FRYL: variants seen among roughly 807,000 people sequenced by gnomAD.
FRYL encodes FRY like transcription coactivator.
A neutral mutation model predicts 351.2 loss-of-function variants in FRYL; 150 were observed. That is an observed-to-expected ratio of 0.43 (90% CI 0.37 to 0.49). The LOEUF (loss-of-function observed/expected upper bound fraction) is 0.49. FRYL is among the 20% of genes least tolerant of loss of function. The probability of loss-of-function intolerance (pLI) is 0.00; values close to 1 mark genes in which losing one functional copy is unlikely to be tolerated. For missense variants in FRYL, 3,036 were observed against 3,619.3 expected (o/e 0.84, Z 4.13); for synonymous variants, 1,153 against 1,257.1 (o/e 0.92, Z 1.75).
chr4:48,617,389 C>T (rs1749721030), intron 7 of FRYL, among the ~76,000 whole-genome samples: 1 of 150,226 alleles, frequency 6.7e-6, no homozygotes. Context: ...TGCACTGTCA[C>T]CCAGGCTGGA....
chr4:48,514,949 G>C, intron 56 of FRYL, 79 bp downstream of exon 56: 1 of 1,251,432 alleles, frequency 8.0e-7, no homozygotes, highest in Non-Finnish European at 1.1e-6. Flanking sequence ...TAAGTAAACT[G>C]AAACAGAGGG....
At chr4:48,509,400 C>A (rs1722008482) in intron 59 of FRYL, among the ~76,000 whole-genome samples, 2 of 152,180 alleles carry the variant, frequency 1.3e-5, no homozygotes. Context: ...CCATGAGATA[C>A]CACCACACAC....
At chr4:48,625,429 G>C (rs1055015042) in intron 4 of FRYL, among the ~76,000 whole-genome samples, 3 of 152,110 alleles carry the variant, frequency 2.0e-5, no homozygotes, top group African/African-American at 7.2e-5. Flanking sequence ...CCATATCCTT[G>C]AGTTATGCAT....
chr4:48,668,003 T>TA (rs57151193), intron 3 of FRYL, among the ~76,000 whole-genome samples: 155 of 152,314 alleles, frequency 1.0e-3, no homozygotes, highest in African/African-American at 3.7e-3. Flanking sequence ...TCTCTGATGT[T>TA]ACCAATATTC....
At chr4:48,716,276 G>T (rs1269724608) in intron 1 of FRYL, among the ~76,000 whole-genome samples, 4 of 151,206 alleles carry the variant, frequency 2.6e-5, no homozygotes, top group East Asian at 3.9e-4. Context: ...TTGACAAATG[G>T]GATCTAATTA....
chr4:48,576,335 T>C, intron 23 of FRYL, 113 bp from the exon 24 acceptor site: 1 of 803,496 alleles, frequency 1.2e-6, no homozygotes, highest in Non-Finnish European at 1.8e-6. Context: ...AGAGTGTCAC[T>C]CTGTCACCCA....
At chr4:48,508,889 C>T (rs1454811343) in intron 59 of FRYL, among the ~76,000 whole-genome samples, 2 of 152,178 alleles carry the variant, frequency 1.3e-5, no homozygotes, top group Non-Finnish European at 2.9e-5. Flanking sequence ...TGCTTCTGAA[C>T]TTGATTGGTT....
In FRYL at chr4:48,534,652, A is replaced by G; in HGVS notation, c.6598T>C (p.Ser2200Pro). The G allele has an allele frequency of 6.3e-7, 1 of 1,582,920 alleles. No individual in the cohort carries two copies. Among genetic ancestry groups the G allele is most frequent in the Non-Finnish European group, 8.7e-7 (1 of 1,152,328 alleles). ...LEKGLSSMQQ[S>P]LLQIIYSLLS... ...AGACTATAAATAATCTGTAGTAATG[A>G]TTGCTGCATACTGGACAATCCTTTC... is the stretch of plus-strand genomic sequence containing the variant. Residue 2200 changes from serine (S) to proline (P), a missense_variant, in exon 49 of 64, where the codon TCA becomes CCA. Coordinates refer to ENST00000358350, the MANE Select transcript of FRYL (RefSeq NM_015030.2).
chr4:48,630,159 G>A (rs1752672593), intron 4 of FRYL, among the ~76,000 whole-genome samples: 1 of 152,130 alleles, frequency 6.6e-6, no homozygotes. Flanking sequence ...CCCCAAAAAA[G>A]ATCTGACACT....
Position 48,594,010 on chromosome 4 carries a change from A to T in FRYL, c.1255T>A (p.Leu419Met). 1.4e-6 allele frequency: 2 copies of T among 1,469,606 alleles called. No individual in the cohort carries two copies. Among genetic ancestry groups the T allele is most frequent in the Non-Finnish European group, 1.8e-6 (2 of 1,107,466 alleles). The allele number at this position is 1,469,606 out of a possible 1,614,324, so 91.0% of individuals were successfully genotyped here. A position where few individuals can be genotyped will look rare whatever the true frequency, so the allele number is the denominator to read the frequency against. The change falls in exon 16 of 64, where the codon TTG (leucine) becomes ATG (methionine). Residue 419 changes from leucine (L) to methionine (M), a missense_variant. Leu to Met is a conservative substitution (Grantham distance 15). Coordinates refer to ENST00000358350, the MANE Select transcript of FRYL (RefSeq NM_015030.2). Reference sequence around the variant, plus strand: ...ATTATTTCTTTCATTGCAAAATCCAAGCGTTCCTTAAAAAAAAAAAAATCC... The same window carrying T: ...ATTATTTCTTTCATTGCAAAATCCATGCGTTCCTTAAAAAAAAAAAAATCC... Reference protein sequence around the residue: ...KIIQFIAQERLDFAMKEIIFD... With the variant: ...KIIQFIAQERMDFAMKEIIFD...
Position 48,582,742 on chromosome 4 carries a change from G to T in FRYL, c.1749-8C>A. 11 of 1,598,172 alleles carry T rather than the reference G, an allele frequency of 6.9e-6. No individual in the cohort carries two copies. Among genetic ancestry groups the T allele is most frequent in the Non-Finnish European group, 9.4e-6 (11 of 1,166,418 alleles). ...TCCATATGAATTGTGAGCCTACCAA[G>T]AACAAAATTCCATTAGCAAACTTCA... On this transcript the variant is annotated splice_region_variant and splice_polypyrimidine_tract_variant and intron_variant, in intron 19 of 63. Coordinates refer to ENST00000358350, the MANE Select transcript of FRYL (RefSeq NM_015030.2).
At chr4:48,725,873 T>A (rs1770022781) in intron 1 of FRYL, among the ~76,000 whole-genome samples, 1 of 152,176 alleles carries the variant, frequency 6.6e-6, no homozygotes, top group African/African-American at 2.4e-5. Context: ...GGTATGTATG[T>A]ATGGGAAAAA....
At chr4:48,694,294 A>T (rs1180326042) in intron 2 of FRYL, among the ~76,000 whole-genome samples, 5 of 152,128 alleles carry the variant, frequency 3.3e-5, no homozygotes, top group African/African-American at 9.7e-5. Flanking sequence ...GTATTTAAAA[A>T]TTTAGAATAC....
intron 3 of FRYL, among the ~76,000 whole-genome samples, chr4:48,681,956 C>A (rs1414412730): frequency 6.6e-6 from 1 of 152,054 alleles, no homozygotes; most frequent in African/African-American, 2.4e-5. Flanking sequence ...CAAGAGAGTA[C>A]AATAAAGGAA....
rs1269960504 is a variant in FRYL at position 48,499,613 on chromosome 4, A to G, written c.8851T>C (p.Tyr2951His). 6.2e-7 allele frequency: 1 copy of G among 1,614,044 alleles called. No homozygotes were observed. Among genetic ancestry groups the G allele is most frequent in the Admixed American group, 1.7e-5 (1 of 60,028 alleles). ...DDPVQTLLHI[Y>H]FHHQTLGQTG... ...TGGCCCAGCGTCTGATGATGGAAAT[A>G]TATATGTAACAGTGTCTGTACAGGG... The change falls in exon 64 of 64, where the codon TAT (tyrosine) becomes CAT (histidine). Residue 2951 changes from tyrosine (Y) to histidine (H), a missense_variant. Physicochemically the swap from Tyr to His is moderately conservative, Grantham distance 83 (BLOSUM62 2). Around this residue, in one of 7 missense-constraint regions of FRYL, gnomAD observed 1,987 missense variants for 2,311.7 expected, o/e 0.86. Transcript: ENST00000358350.
intron 36 of FRYL, 136 bp from the exon 37 acceptor site, chr4:48,551,714 A>T: frequency 1.7e-6 from 1 of 580,142 alleles, no homozygotes; most frequent in Non-Finnish European, 3.0e-6. Flanking sequence ...GAATGTACTC[A>T]TAATGACCAA....
At chr4:48,704,686 G>C (rs1767120184) in intron 2 of FRYL, among the ~76,000 whole-genome samples, 1 of 151,804 alleles carries the variant, frequency 6.6e-6, no homozygotes, top group Admixed American at 6.6e-5. Flanking sequence ...CAGTGGCTCA[G>C]GCCTTTAATC....
rs770348957 is a variant in FRYL at position 48,579,014 on chromosome 4, T to C, written c.2487A>G (p.Ala829=). The C allele has an allele frequency of 3.1e-6, 5 of 1,613,466 alleles. No homozygotes were observed. The highest frequency in any genetic ancestry group is 1.1e-5 in the South Asian group (1 of 90,950). Residue 829 remains alanine, a synonymous_variant, in exon 23 of 64, where the codon GCA becomes GCG. Transcript: ENST00000358350. ...STAVSYAWMF[A]YTRLQLLSPQ... is the part of the protein sequence containing the mutation. ...GGGACAACAACTGAAGTCTTGTGTATGCAAACATCCAAGCATAGCTCACAG... is the reference window on the plus strand; with the variant it reads ...GGGACAACAACTGAAGTCTTGTGTACGCAAACATCCAAGCATAGCTCACAG...
Position 48,540,629 on chromosome 4 carries a change from C to G in FRYL, c.6019G>C (p.Ala2007Pro). The G allele has an allele frequency of 6.2e-7, 1 of 1,613,906 alleles. No homozygotes were observed. Among genetic ancestry groups the G allele is most frequent in the South Asian group, 1.1e-5 (1 of 91,064 alleles). Residue 2007 changes from alanine to proline, a missense_variant, in exon 46 of 64, where the codon GCA (alanine) becomes CCA (proline). Coordinates refer to ENST00000358350, the MANE Select transcript of FRYL (RefSeq NM_015030.2). ...TAATCTGATTCTAATAAAGATGCTG[C>G]TATCCAAAAAATGGTGGCCATCAAG... ...TNLMATIFWI[A>P]ASLLESDYEY...
Sources: gnomAD v4.1 joint callset for allele counts (sites outside exome capture counted in the v4.1 genomes callset) on GRCh38, gnomAD v4.1.1 for gene constraint, gnomAD v4.1.1 regional missense constraint, MANE v1.5 for transcripts, NCBI Gene and HGNC (gene_info 2026-07-23, HGNC 2026-07-21) for gene names.